Variants in CACNA1E observed in about 807,000 individuals in gnomAD.
The protein encoded by CACNA1E is calcium voltage-gated channel subunit alpha1 E, also known as voltage-dependent R-type calcium channel subunit alpha-1E.
CACNA1E carries 40 observed loss-of-function variants against 259.2 expected under a neutral mutation model. That is an observed-to-expected ratio of 0.15 (90% CI 0.12 to 0.20). The LOEUF is 0.20. CACNA1E is among the 10% of genes least tolerant of loss of function. The probability of loss-of-function intolerance (pLI) is 1.00; values close to 1 mark genes in which losing one functional copy is unlikely to be tolerated. For missense variants in CACNA1E, 1,874 were observed against 3,040.1 expected, an observed-to-expected ratio of 0.62 and a Z score of 9.02; for synonymous variants, 1,104 against 1,138.5, an observed-to-expected ratio of 0.97 and a Z score of 0.61.
intron 6 of CACNA1E, among the ~76,000 whole-genome samples, chr1:181,601,121 A>C (rs531699709): frequency 6.6e-6 from 1 of 151,994 alleles, no homozygotes; most frequent in South Asian, 2.1e-4. Flanking sequence ...TCCCACTACC[A>C]CCCCATGGGC....
chr1:181,564,685 A>G (rs1319614884), intron 3 of CACNA1E, among the ~76,000 whole-genome samples: 1 of 152,220 alleles, frequency 6.6e-6, no homozygotes, highest in Non-Finnish European at 1.5e-5. Context: ...GACCAGATCC[A>G]TCAGAGGAAT....
In CACNA1E at chr1:181,758,669, G is replaced by A; in HGVS notation, c.4495-89G>A. ...CACACCAGAGTGTCCCACAGGGCAG[G>A]AATGAGAGATGGCCAACCTCAGTGA... is the stretch of plus-strand genomic sequence containing the variant. On this transcript the variant is annotated intron_variant, in intron 31 of 47. Transcript: ENST00000367573. This position sits in a 1 kb window ranked among gnomAD's most constrained non-coding sequence, Gnocchi z 4.2. The A allele has an allele frequency of 1.4e-6, 1 of 730,204 alleles. No homozygotes were observed. Among genetic ancestry groups the A allele is most frequent in the Non-Finnish European group, 2.4e-6 (1 of 413,782 alleles). The allele number at this position is 730,204 out of a possible 1,614,324, so 45.2% of individuals were successfully genotyped here.
chr1:181,368,413 A>G (rs1016308088), intron 1 of CACNA1E, among the ~76,000 whole-genome samples: 1 of 152,216 alleles, frequency 6.6e-6, no homozygotes, highest in Non-Finnish European at 1.5e-5. Context: ...AAAGATTTCT[A>G]AAAAGTTATT....
upstream of CACNA1E, among the ~76,000 whole-genome samples, chr1:181,482,495 T>G (rs373311765): frequency 2.6e-5 from 4 of 152,346 alleles, no homozygotes; most frequent in African/African-American, 9.6e-5. Context: ...TTTGGCCACA[T>G]AAATCAAGAA....
At chr1:181,317,934 C>A (rs1359918586) in exon 1 of CACNA1E, 1 of 152,032 alleles carries the variant, frequency 6.6e-6, no homozygotes, top group African/African-American at 2.4e-5. Flanking sequence ...CCCTCACCTC[C>A]GCCTGCCTTC....
intron 1 of CACNA1E, among the ~76,000 whole-genome samples, chr1:181,400,495 C>T (rs581541): frequency 0.083 from 12,623 of 152,012 alleles, 1,029 homozygotes; most frequent in African/African-American, 0.21. Flanking sequence ...ACCTCTCCCC[C>T]ACCACATCAG....
intron 6 of CACNA1E, among the ~76,000 whole-genome samples, chr1:181,647,299 T>C (rs1011570656): frequency 1.3e-5 from 2 of 152,152 alleles, no homozygotes; most frequent in Admixed American, 1.3e-4. Context: ...AGAATCTTGA[T>C]TGGAGTACTT....
At chr1:181,620,152 A>G (rs1572398314) in intron 6 of CACNA1E, among the ~76,000 whole-genome samples, 1 of 152,298 alleles carries the variant, frequency 6.6e-6, no homozygotes, top group East Asian at 1.9e-4. Flanking sequence ...GGGTCAACTG[A>G]TTAGCTTCAG....
chr1:181,595,234 G>T (rs1489669776), intron 6 of CACNA1E, among the ~76,000 whole-genome samples: 1 of 152,144 alleles, frequency 6.6e-6, no homozygotes. Context: ...TTCCCCAGGG[G>T]TCTCTATGAT....
intron 2 of CACNA1E, among the ~76,000 whole-genome samples, chr1:181,455,465 A>C (rs1388637544): frequency 1.3e-5 from 2 of 152,148 alleles, no homozygotes; most frequent in Non-Finnish European, 2.9e-5. Flanking sequence ...TCAGGGCAAT[A>C]GGGAGAAAAG....
rs752660333 is a variant in CACNA1E at position 181,732,785 on chromosome 1, G to A, written c.2699G>A (p.Gly900Glu). 6.3e-7 allele frequency: 1 copy of A among 1,594,214 alleles called. No homozygotes were observed. The highest frequency in any genetic ancestry group is 1.7e-5 in the Admixed American group (1 of 58,192). Residue 900 changes from glycine to glutamate, a missense_variant, in exon 20 of 48, where the codon GGG becomes GAG. Physicochemically the swap from Gly to Glu is moderately conservative, Grantham distance 98 (BLOSUM62 -2). Around this residue, in one of 14 missense-constraint regions of CACNA1E, gnomAD observed 476 missense variants for 514.0 expected, o/e 0.93. Coordinates refer to ENST00000367573, the MANE Select transcript of CACNA1E (RefSeq NM_001205293.3). The surrounding 1 kb of genome is among the most constrained non-coding windows in gnomAD (Gnocchi z 5.5). ...GNCDPTQQEA[G>E]GGEAVVTFED... The stretch of plus-strand genomic sequence containing the variant: ...TGTGACCCGACTCAGCAGGAGGCAG[G>A]GGGAGGAGAGGCTGTGGTGACCTTT...
chr1:181,461,384 A>G (rs1285794917), intron 2 of CACNA1E, among the ~76,000 whole-genome samples: 2 of 151,740 alleles, frequency 1.3e-5, no homozygotes, highest in African/African-American at 2.4e-5. Flanking sequence ...TACTAAAAAT[A>G]CAAAAAATTA....
At position 181,736,440 on chromosome 1, in the gene CACNA1E, C is replaced by G; in HGVS notation, c.3422+6C>G. On this transcript the variant is annotated splice_donor_region_variant and intron_variant, in intron 22 of 47. Transcript: ENST00000367573. ...ATCTTCAGCACCACCAACCCGTAAG[C>G]CACCCTCGCGTTGCTCCCTCTTTAG... 1 of 1,610,270 alleles carries G rather than the reference C, an allele frequency of 6.2e-7. No individual in the cohort carries two copies. Among genetic ancestry groups the G allele is most frequent in the Non-Finnish European group, 8.5e-7 (1 of 1,178,208 alleles).
intron 2 of CACNA1E, among the ~76,000 whole-genome samples, chr1:181,443,621 G>C (rs1221182603): frequency 6.6e-6 from 1 of 152,198 alleles, no homozygotes; most frequent in East Asian, 1.9e-4. Flanking sequence ...CAGCTATAAA[G>C]ACACACAGGT....
intron 25 of CACNA1E, among the ~76,000 whole-genome samples, chr1:181,743,675 G>A (rs571499927): frequency 1.1e-3 from 161 of 152,296 alleles, no homozygotes; most frequent in African/African-American, 3.8e-3. Flanking sequence ...CAGGACACCT[G>A]TGCGTGTGTG....
chr1:181,733,181 T>C, intron 20 of CACNA1E, 147 bp downstream of exon 20: 2 of 1,270,780 alleles, frequency 1.6e-6, no homozygotes, highest in Non-Finnish European at 2.1e-6. Flanking sequence ...TGAATAAATA[T>C]AACAGGCAGT....
chr1:181,639,563 C>T (rs1657563805), intron 6 of CACNA1E, among the ~76,000 whole-genome samples: 2 of 152,320 alleles, frequency 1.3e-5, no homozygotes, highest in South Asian at 2.1e-4. Flanking sequence ...CGACAGCTTA[C>T]GTGCATTCTT....
chr1:181,649,809 A>G (rs1381228053), intron 6 of CACNA1E, among the ~76,000 whole-genome samples: 1 of 152,206 alleles, frequency 6.6e-6, no homozygotes, highest in Non-Finnish European at 1.5e-5. Context: ...TGATGAGAAC[A>G]CATGGACATA....
chr1:181,631,838 C>T (rs1656775291), intron 6 of CACNA1E, among the ~76,000 whole-genome samples: 1 of 152,154 alleles, frequency 6.6e-6, no homozygotes, highest in South Asian at 2.1e-4. Flanking sequence ...ATTGACAGAT[C>T]CTTTGTGGGA....
Sources: gnomAD v4.1 joint callset for allele counts (sites outside exome capture counted in the v4.1 genomes callset) on GRCh38, gnomAD v4.1.1 for gene constraint, gnomAD v4.1.1 regional missense constraint, Gnocchi (gnomAD v3.1) non-coding constraint, MANE v1.5 for transcripts, NCBI Gene and HGNC (gene_info 2026-07-23, HGNC 2026-07-21) for gene names.